Variants in KPNA7 observed in about 807,000 individuals in gnomAD.
The protein encoded by KPNA7 is karyopherin subunit alpha 7, also known as importin subunit alpha-8.
KPNA7 carries 54 observed loss-of-function variants against 53.7 expected under a neutral mutation model. The ratio of observed to expected loss-of-function variants is 1.01; its 90% CI spans 0.81 to 1.26. The LOEUF is 1.26. KPNA7 is among the 50% of genes most tolerant of loss of function. The pLI is 0.00. For missense variants in KPNA7, 640 were observed against 644.5 expected, an observed-to-expected ratio of 0.99 and a Z score of 0.07; for synonymous variants, 276 against 259.3, an observed-to-expected ratio of 1.06 and a Z score of -0.62.
At chr7:99,157,091 C>G in the KPNA7 span, among the ~76,000 whole-genome samples, 74 of 152,092 alleles carry the variant, frequency 4.9e-4, no homozygotes, top group African/African-American at 1.7e-3. Flanking sequence ...TGTTTTATGG[C>G]CACAGAATCT....
At chr7:99,195,495 G>C (rs548970619) in intron 4 of KPNA7, among the ~76,000 whole-genome samples, 157 bp from the exon 5 acceptor site, 1 of 152,016 alleles carries the variant, frequency 6.6e-6, no homozygotes, top group South Asian at 2.1e-4. Context: ...TCAGGAGTTC[G>C]AGACCAGCCT....
the KPNA7 span, among the ~76,000 whole-genome samples, chr7:99,148,848 A>G: frequency 2.5e-3 from 383 of 150,994 alleles, 4 homozygotes; most frequent in Middle Eastern, 0.039. Flanking sequence ...AGCCTCCCAA[A>G]AGGGCTAAGA....
At chr7:99,150,954 T>C in the KPNA7 span, among the ~76,000 whole-genome samples, 2 of 152,158 alleles carry the variant, frequency 1.3e-5, no homozygotes, top group Admixed American at 6.6e-5. Flanking sequence ...ACCAAGTATG[T>C]GGTTCAATGT....
chr7:99,199,963 C>G (rs1790427840), intron 3 of KPNA7, among the ~76,000 whole-genome samples: 2 of 152,144 alleles, frequency 1.3e-5, no homozygotes, highest in South Asian at 4.1e-4. Flanking sequence ...CTCTCTTACT[C>G]AGGCTGGAGT....
the KPNA7 span, among the ~76,000 whole-genome samples, chr7:99,158,907 C>T: frequency 1.3e-5 from 2 of 152,020 alleles, no homozygotes; most frequent in Non-Finnish European, 2.9e-5. Flanking sequence ...CTCTGTCACC[C>T]AGACTGGAGT....
upstream of KPNA7, among the ~76,000 whole-genome samples, chr7:99,210,225 G>C (rs1474548714): frequency 6.6e-6 from 1 of 152,094 alleles, no homozygotes; most frequent in African/African-American, 2.4e-5. Context: ...TCGGGCCTTT[G>C]AAGTAGCTGC....
At chr7:99,201,953 C>G (rs1345928295) in intron 3 of KPNA7, among the ~76,000 whole-genome samples, 1 of 151,988 alleles carries the variant, frequency 6.6e-6, no homozygotes, top group Non-Finnish European at 1.5e-5. Flanking sequence ...GGTGATCCAC[C>G]CACCTCGGCC....
intron 10 of KPNA7, among the ~76,000 whole-genome samples, chr7:99,175,812 G>A (rs924121521): frequency 4.0e-5 from 6 of 151,806 alleles, no homozygotes; most frequent in Non-Finnish European, 8.8e-5. Flanking sequence ...GCTCCCAGCC[G>A]AGAGCATCAT....
chr7:99,187,500 C>T (rs1037051330), intron 7 of KPNA7, among the ~76,000 whole-genome samples: 6 of 151,258 alleles, frequency 4.0e-5, no homozygotes, highest in Non-Finnish European at 8.8e-5. Flanking sequence ...TAAATTCTCC[C>T]AACTCTGCCT....
intron 10 of KPNA7, among the ~76,000 whole-genome samples, chr7:99,174,703 A>G (rs1422203410): frequency 6.6e-6 from 1 of 152,176 alleles, no homozygotes; most frequent in Non-Finnish European, 1.5e-5. Flanking sequence ...CCTGACAATG[A>G]GTAAGCAAAT....
In KPNA7 at chr7:99,178,027, GAAGACAC is replaced by G. The variant is rs1241379065; in HGVS notation, c.1350_1356del (p.Cys451Ter). 1 of 1,551,668 alleles carries G rather than the reference GAAGACAC, an allele frequency of 6.4e-7. No homozygotes were observed. Among genetic ancestry groups the G allele is most frequent in the East Asian group, 2.4e-5 (1 of 40,918 alleles). Reference sequence around the variant, plus strand: ...TCGATCCCACCAAGTTCTTCTATCAGAAGACACAGGTTTTCCTTCTCAGACCGTTTCT... The same window carrying G: ...TCGATCCCACCAAGTTCTTCTATCAGAGGTTTTCCTTCTCAGACCGTTTCT... On this transcript the variant is annotated frameshift_variant, in exon 10 of 11. Transcript: ENST00000327442. LOFTEE classifies it high-confidence loss of function.
downstream of KPNA7, among the ~76,000 whole-genome samples, chr7:99,170,133 C>G (rs893324034): frequency 1.3e-5 from 2 of 152,098 alleles, no homozygotes; most frequent in African/African-American, 4.8e-5. Flanking sequence ...AATGACAGGC[C>G]CCGCTCACAG....
At chr7:99,152,783 G>A in the KPNA7 span, among the ~76,000 whole-genome samples, 9 of 152,116 alleles carry the variant, frequency 5.9e-5, no homozygotes, top group African/African-American at 1.7e-4. Context: ...TTTAGACATC[G>A]CAATCTGCTC....
chr7:99,146,817 T>C, the KPNA7 span, among the ~76,000 whole-genome samples: 2 of 150,758 alleles, frequency 1.3e-5, no homozygotes, highest in East Asian at 1.9e-4. Flanking sequence ...ACCTTAAATG[T>C]GCACAGAACA....
At chr7:99,150,437 G>A in the KPNA7 span, among the ~76,000 whole-genome samples, 11 of 4,868 alleles carry the variant, frequency 2.3e-3, no homozygotes, top group African/African-American at 3.5e-3. Context: ...TTTTTGAGAC[G>A]GAGTTTCACT....
chr7:99,211,223 C>A (rs1791062170), upstream of KPNA7, among the ~76,000 whole-genome samples: 1 of 152,140 alleles, frequency 6.6e-6, no homozygotes, highest in African/African-American at 2.4e-5. Context: ...AGTTCGAGAC[C>A]AACCTGGCCA....
intron 7 of KPNA7, among the ~76,000 whole-genome samples, chr7:99,186,643 T>C (rs1789608531): frequency 6.6e-6 from 1 of 152,008 alleles, no homozygotes; most frequent in Non-Finnish European, 1.5e-5. Flanking sequence ...CTTGGGAGGC[T>C]GAGGCAGGAA....
At chr7:99,211,323 G>A (rs923321552), upstream of KPNA7, among the ~76,000 whole-genome samples, 3 of 152,202 alleles carry the variant, frequency 2.0e-5, no homozygotes, top group South Asian at 2.1e-4. Flanking sequence ...TTGAGAGGCC[G>A]AGGCAGGAGA....
At chr7:99,150,706 G>A in the KPNA7 span, among the ~76,000 whole-genome samples, 1 of 152,080 alleles carries the variant, frequency 6.6e-6, no homozygotes, top group Admixed American at 6.6e-5. Flanking sequence ...ATGAGCCATC[G>A]CGCCCAGCCA....
Sources: gnomAD v4.1 joint callset for allele counts (sites outside exome capture counted in the v4.1 genomes callset) on GRCh38, gnomAD v4.1.1 for gene constraint, MANE v1.5 for transcripts, NCBI Gene and HGNC (gene_info 2026-07-23, HGNC 2026-07-21) for gene names.